Variants in ORC4 observed in about 807,000 individuals in gnomAD.
The protein encoded by ORC4 is origin recognition complex, subunit 4 homolog.
ORC4 carries 55 observed loss-of-function variants against 63.9 expected under a neutral mutation model. That is an observed-to-expected ratio of 0.86 (90% confidence interval 0.69 to 1.08). The LOEUF is 1.08. ORC4 is among the 50% of genes least tolerant of loss of function. The probability of loss-of-function intolerance (pLI) is 0.00; values close to 1 mark genes in which losing one functional copy is unlikely to be tolerated. For missense variants in ORC4, 511 were observed against 504.4 expected (o/e 1.01, Z -0.13); for synonymous variants, 150 against 168.5 (o/e 0.89, Z 0.85).
intron 4 of ORC4, among the ~76,000 whole-genome samples, chr2:147,969,763 T>C (rs535982955): frequency 1.3e-4 from 20 of 152,172 alleles, no homozygotes; most frequent in South Asian, 1.0e-3. Flanking sequence ...AAGAATATTA[T>C]TCTTTAGTGA....
At chr2:148,000,035 A>G (rs1189887394) in intron 1 of ORC4, among the ~76,000 whole-genome samples, 1 of 151,722 alleles carries the variant, frequency 6.6e-6, no homozygotes, top group Non-Finnish European at 1.5e-5. Context: ...AGTTTGAAAA[A>G]GGTAAATTTT....
At chr2:147,942,827 T>C (rs1688439184) in intron 10 of ORC4, among the ~76,000 whole-genome samples, 1 of 151,456 alleles carries the variant, frequency 6.6e-6, no homozygotes, top group African/African-American at 2.4e-5. Flanking sequence ...AATGTAATGG[T>C]CTACATCAAA....
chr2:147,966,443 C>CA (rs1224321947), intron 4 of ORC4, among the ~76,000 whole-genome samples: 3 of 151,512 alleles, frequency 2.0e-5, no homozygotes, highest in Non-Finnish European at 4.4e-5. Context: ...AACAATACTA[C>CA]AAAAAATCAC....
chr2:148,001,920 C>G (rs1383126894), intron 1 of ORC4, among the ~76,000 whole-genome samples: 2 of 152,004 alleles, frequency 1.3e-5, no homozygotes, highest in African/African-American at 4.8e-5. Flanking sequence ...GGAATATTTA[C>G]CAAGCAAATG....
intron 4 of ORC4, among the ~76,000 whole-genome samples, chr2:147,959,641 C>T (rs1689471655): frequency 6.6e-6 from 1 of 152,014 alleles, no homozygotes; most frequent in Non-Finnish European, 1.5e-5. Flanking sequence ...CATTGCAACA[C>T]CTTATCTAAA....
chr2:147,939,974 T>A (rs1389658255), intron 10 of ORC4, among the ~76,000 whole-genome samples: 2 of 152,134 alleles, frequency 1.3e-5, no homozygotes, highest in African/African-American at 4.8e-5. Context: ...AATAGTTTCT[T>A]AGTAGTATGT....
At chr2:148,016,978 T>A (rs1390352057) in intron 1 of ORC4, among the ~76,000 whole-genome samples, 1 of 152,040 alleles carries the variant, frequency 6.6e-6, no homozygotes, top group African/African-American at 2.4e-5. Context: ...AAACAAAAAA[T>A]TAAGACAAAG....
intron 1 of ORC4, among the ~76,000 whole-genome samples, chr2:147,982,991 T>C (rs557999938): frequency 2.1e-4 from 32 of 152,210 alleles, no homozygotes; most frequent in Non-Finnish European, 2.5e-4. Context: ...TTAATATCAT[T>C]ATCCGCTAGG....
At chr2:148,013,379 G>A (rs1693088504) in intron 1 of ORC4, among the ~76,000 whole-genome samples, 2 of 152,168 alleles carry the variant, frequency 1.3e-5, no homozygotes, top group African/African-American at 4.8e-5. Flanking sequence ...AAAAATTGAA[G>A]TCATAGAGAT....
At chr2:147,974,030 C>T (rs1690378153) in intron 2 of ORC4, among the ~76,000 whole-genome samples, 1 of 152,008 alleles carries the variant, frequency 6.6e-6, no homozygotes, top group Non-Finnish European at 1.5e-5. Context: ...CAGATTTGGC[C>T]CCATGAACTG....
intron 1 of ORC4, among the ~76,000 whole-genome samples, chr2:148,012,236 C>T (rs543744574): frequency 1.3e-5 from 2 of 152,114 alleles, no homozygotes; most frequent in African/African-American, 2.4e-5. Flanking sequence ...CAAAATAGCA[C>T]GATAGTGGCA....
At position 147,944,676 on chromosome 2, in the gene ORC4, T is replaced by C. The variant is rs1432647167; in HGVS notation, c.763-1154A>G. 2.8e-5 allele frequency among the ~76,000 whole-genome samples: 4 copies of C among 143,298 alleles called. No homozygotes were observed. The Admixed American group carries it at 2.9e-4, about 10-fold the overall frequency. The allele number at this position is 143,298 out of a possible 152,430, so 94.0% of individuals were successfully genotyped here. On this transcript the variant is annotated intron_variant, in intron 9 of 13. Transcript: ENST00000392857. ...TTGTCATAATTTTTCAAAAATCATC[T>C]GCATGGAATAAGGATTCTTTTAAAA... is the stretch of plus-strand genomic sequence containing the variant.
chr2:147,942,826 G>T (rs1442870469), intron 10 of ORC4, among the ~76,000 whole-genome samples: 1 of 151,714 alleles, frequency 6.6e-6, no homozygotes, highest in Non-Finnish European at 1.5e-5. Flanking sequence ...AAATGTAATG[G>T]TCTACATCAA....
intron 1 of ORC4, among the ~76,000 whole-genome samples, chr2:148,001,697 T>A (rs1692319459): frequency 6.6e-6 from 1 of 152,052 alleles, no homozygotes; most frequent in South Asian, 2.1e-4. Flanking sequence ...AGAAACTACA[T>A]CAACTAACGG....
chr2:147,951,116 C>T (rs1213575620), intron 8 of ORC4, among the ~76,000 whole-genome samples: 1 of 152,040 alleles, frequency 6.6e-6, no homozygotes, highest in Non-Finnish European at 1.5e-5. Flanking sequence ...GGGCAAATGA[C>T]AGTCACTCTA....
chr2:147,988,952 T>G (rs1691397191), intron 1 of ORC4, among the ~76,000 whole-genome samples: 1 of 152,228 alleles, frequency 6.6e-6, no homozygotes, highest in Non-Finnish European at 1.5e-5. Flanking sequence ...TTCTCATATC[T>G]ATACACTTAA....
chr2:147,949,476 C>G (rs901256818), intron 8 of ORC4, among the ~76,000 whole-genome samples: 8 of 152,044 alleles, frequency 5.3e-5, no homozygotes, highest in African/African-American at 1.9e-4. Context: ...GGCTCTTAAA[C>G]TGTGGTGATA....
At chr2:148,004,935 G>A (rs1244085378) in intron 1 of ORC4, among the ~76,000 whole-genome samples, 1 of 152,160 alleles carries the variant, frequency 6.6e-6, no homozygotes, top group African/African-American at 2.4e-5. Flanking sequence ...TGGAAAAACA[G>A]GAACGCTTTT....
rs1687660293 is a variant in ORC4, at chr2:147,930,565, C to G, written c.*4945G>C. ...ACCAGCAGTACGTTTTTTATGCAGT[C>G]TCAACCCATATCCCATTTGTTACCT... is the stretch of plus-strand genomic sequence containing the variant. On this transcript the variant is annotated 3_prime_UTR_variant, in exon 14 of 14. Coordinates refer to ENST00000392857, the MANE Select transcript of ORC4 (RefSeq NM_181741.4). 6.6e-6 allele frequency: 1 copy of G among 152,352 alleles called. No homozygotes were observed. The highest frequency in any genetic ancestry group is 2.1e-4 in the South Asian group (1 of 4,822). The allele number at this position is 152,352 out of a possible 1,614,324, so 9.4% of individuals were successfully genotyped here.
Sources: allele counts gnomAD v4.1 joint callset (sites outside exome capture counted in the v4.1 genomes callset), GRCh38; gene constraint gnomAD v4.1.1; transcripts MANE v1.5; gene names NCBI Gene and HGNC (gene_info 2026-07-23, HGNC 2026-07-21).